HMGCLL1: variants seen among roughly 807,000 people sequenced by gnomAD.
The protein encoded by HMGCLL1 is 3-hydroxy-3-methylglutaryl-CoA lyase like 1.
Under a neutral mutation model 39.1 loss-of-function variants are expected in HMGCLL1, and 36 were observed. The ratio of observed to expected loss-of-function variants is 0.92; its 90% confidence interval spans 0.71 to 1.22. The LOEUF is 1.22. Among genes scored for constraint, HMGCLL1 ranks in the 50% most tolerant of loss-of-function variants. The probability of loss-of-function intolerance (pLI) is 0.00; values close to 1 mark genes in which losing one functional copy is unlikely to be tolerated. For synonymous variants in HMGCLL1, 149 were observed against 144.0 expected (o/e 1.03, Z -0.25); for missense variants, 451 against 416.5 (o/e 1.08, Z -0.72).
chr6:55,653,312 A>G, the HMGCLL1 span, among the ~76,000 whole-genome samples: 4 of 152,074 alleles, frequency 2.6e-5, no homozygotes, highest in Non-Finnish European at 5.9e-5. Flanking sequence ...ACACTCCAGG[A>G]CAAGAGCAAA....
intron 7 of HMGCLL1, among the ~76,000 whole-genome samples, chr6:55,473,475 T>C (rs987393706): frequency 2.0e-5 from 3 of 151,396 alleles, no homozygotes; most frequent in Non-Finnish European, 4.4e-5. Flanking sequence ...CAAATAATAC[T>C]ATACCATTTC....
chr6:55,497,032 A>G lies in HMGCLL1; in HGVS notation c.607-1425T>C, dbSNP rs190171498. 3.3e-5 allele frequency among the ~76,000 whole-genome samples: 5 copies of G among 152,282 alleles called. No homozygotes were observed. In the East Asian group the frequency reaches 9.7e-4, roughly 29 times the overall value. ...TCATTTAATATTTCTGGTCTAATTTATCTGGCTCATAAATATATATACTTT... is the reference window on the plus strand; with the variant it reads ...TCATTTAATATTTCTGGTCTAATTTGTCTGGCTCATAAATATATATACTTT... On this transcript the variant is annotated intron_variant, in intron 6 of 8. Coordinates refer to ENST00000274901, the MANE Select transcript of HMGCLL1 (RefSeq NM_001042406.2).
chr6:55,613,997 A>G, the HMGCLL1 span, among the ~76,000 whole-genome samples: 1 of 152,164 alleles, frequency 6.6e-6, no homozygotes, highest in African/African-American at 2.4e-5. Flanking sequence ...AACTAATATT[A>G]TATTCTGAAC....
intron 1 of HMGCLL1, among the ~76,000 whole-genome samples, chr6:55,570,556 A>C (rs1051350701): frequency 6.6e-6 from 1 of 152,180 alleles, no homozygotes; most frequent in African/African-American, 2.4e-5. Context: ...GGTATCCTTC[A>C]TATATCAAGG....
At chr6:55,509,584 C>A (rs1767335016) in intron 5 of HMGCLL1, among the ~76,000 whole-genome samples, 1 of 151,820 alleles carries the variant, frequency 6.6e-6, no homozygotes, top group African/African-American at 2.4e-5. Context: ...TATAAATTAT[C>A]TCTCAAAGGG....
At chr6:55,637,736 G>GTGTGTC in the HMGCLL1 span, among the ~76,000 whole-genome samples, 97 of 148,348 alleles carry the variant, frequency 6.5e-4, 2 homozygotes, top group East Asian at 0.018. Context: ...GTGTGTGTGT[G>GTGTGTC]TGTATGTGTC....
the HMGCLL1 span, among the ~76,000 whole-genome samples, chr6:55,668,741 A>T: frequency 1.3e-5 from 2 of 151,862 alleles, no homozygotes; most frequent in Non-Finnish European, 1.5e-5. Context: ...ACAGGGAAGG[A>T]AACTGCCAGA....
chr6:55,456,630 T>C (rs1764334074), intron 7 of HMGCLL1, among the ~76,000 whole-genome samples: 1 of 152,158 alleles, frequency 6.6e-6, no homozygotes, highest in African/African-American at 2.4e-5. Context: ...GAAGAAGTCA[T>C]AATATTTCCC....
At chr6:55,543,436 CA>C (rs1225317681) in intron 1 of HMGCLL1, among the ~76,000 whole-genome samples, 1 of 39,592 alleles carries the variant, frequency 2.5e-5, no homozygotes, top group Non-Finnish European at 4.4e-5. Flanking sequence ...TATCATATAT[CA>C]TATATGATAT....
At chr6:55,496,340 C>CACAA (rs10670195) in intron 6 of HMGCLL1, among the ~76,000 whole-genome samples, 103,588 of 151,494 alleles carry the variant, frequency 0.68, 35,394 homozygotes, top group Non-Finnish European at 0.7. Context: ...AAACTCAGCA[C>CACAA]ACAGACTGTA....
At chr6:55,499,172 C>T (rs1424992600) in intron 6 of HMGCLL1, 64 bp downstream of exon 6, 4 of 1,263,918 alleles carry the variant, frequency 3.2e-6, no homozygotes, top group South Asian at 1.3e-5. Flanking sequence ...ATTAAGAAAG[C>T]CCCCTTTTAA....
chr6:55,585,692 C>T, the HMGCLL1 span, among the ~76,000 whole-genome samples: 1 of 151,962 alleles, frequency 6.6e-6, no homozygotes, highest in Non-Finnish European at 1.5e-5. Context: ...GAATCAAATT[C>T]ATCCATTTTT....
At chr6:55,670,561 A>G in the HMGCLL1 span, among the ~76,000 whole-genome samples, 1 of 151,846 alleles carries the variant, frequency 6.6e-6, no homozygotes, top group African/African-American at 2.4e-5. Flanking sequence ...TACCTACATC[A>G]TAAAGGGGGA....
At chr6:55,570,711 C>G (rs1271279903) in intron 1 of HMGCLL1, among the ~76,000 whole-genome samples, 2 of 152,176 alleles carry the variant, frequency 1.3e-5, no homozygotes. Flanking sequence ...TGACCATAAT[C>G]TATAGGGTCA....
chr6:55,595,167 T>C, the HMGCLL1 span, among the ~76,000 whole-genome samples: 1 of 152,156 alleles, frequency 6.6e-6, no homozygotes, highest in Non-Finnish European at 1.5e-5. Context: ...CACGTGAAAA[T>C]CACACGACAC....
the HMGCLL1 span, among the ~76,000 whole-genome samples, chr6:55,606,052 T>C: frequency 2.6e-5 from 4 of 152,198 alleles, no homozygotes; most frequent in African/African-American, 9.6e-5. Context: ...AAGAGTTAGT[T>C]ATCCAGTACA....
intron 1 of HMGCLL1, among the ~76,000 whole-genome samples, chr6:55,543,476 TAATA>T (rs1320945301): frequency 4.5e-4 from 4 of 8,842 alleles, no homozygotes; most frequent in South Asian, 0.011. Context: ...ATATCATATA[TAATA>T]TATATATGAT....
intron 5 of HMGCLL1, among the ~76,000 whole-genome samples, chr6:55,506,443 C>T (rs1767167248): frequency 6.6e-6 from 1 of 151,634 alleles, no homozygotes; most frequent in Non-Finnish European, 1.5e-5. Context: ...GAGTAGCCTT[C>T]CCTTATCTAA....
chr6:55,675,556 T>C, the HMGCLL1 span, among the ~76,000 whole-genome samples: 1 of 152,144 alleles, frequency 6.6e-6, no homozygotes, highest in Admixed American at 6.6e-5. Context: ...TATCTTACTG[T>C]GATTATTGGA....
Sources: gnomAD v4.1 joint callset for allele counts (sites outside exome capture counted in the v4.1 genomes callset) on GRCh38, gnomAD v4.1.1 for gene constraint, MANE v1.5 for transcripts, NCBI Gene and HGNC (gene_info 2026-07-23, HGNC 2026-07-21) for gene names.